Variants in CFAP299 observed in about 807,000 individuals in gnomAD.
CFAP299 encodes cilia- and flagella-associated protein 299.
A neutral mutation model predicts 27.0 loss-of-function variants in CFAP299; 21 were observed. The ratio of observed to expected loss-of-function variants is 0.78; its 90% CI spans 0.55 to 1.12. The LOEUF is 1.12. Among genes scored for constraint, CFAP299 ranks in the 50% most tolerant of loss-of-function variants. The pLI, the probability that CFAP299 is intolerant of heterozygous loss-of-function variation, is 0.00. For synonymous variants in CFAP299, 104 were observed against 98.1 expected, an observed-to-expected ratio of 1.06 and a Z score of -0.36; for missense variants, 310 against 276.6, an observed-to-expected ratio of 1.12 and a Z score of -0.86.
At chr4:80,526,356 T>A (rs1733174525) in intron 2 of CFAP299, among the ~76,000 whole-genome samples, 1 of 152,142 alleles carries the variant, frequency 6.6e-6, no homozygotes, top group Non-Finnish European at 1.5e-5. Context: ...ATTCTCTTCC[T>A]CAGGACCTCA....
At chr4:80,797,014 A>T (rs1298677681) in intron 3 of CFAP299, among the ~76,000 whole-genome samples, 1 of 152,114 alleles carries the variant, frequency 6.6e-6, no homozygotes, top group East Asian at 1.9e-4. Context: ...ACCTGAGCTA[A>T]AACTCCATTA....
At chr4:80,731,388 A>G (rs1723513057) in intron 3 of CFAP299, among the ~76,000 whole-genome samples, 2 of 152,172 alleles carry the variant, frequency 1.3e-5, no homozygotes, top group Non-Finnish European at 2.9e-5. Context: ...ACCTCCACTG[A>G]TAATAAAAAT....
intron 4 of CFAP299, among the ~76,000 whole-genome samples, chr4:80,877,751 G>T (rs1733484810): frequency 6.6e-6 from 1 of 151,974 alleles, no homozygotes; most frequent in African/African-American, 2.4e-5. Context: ...AAATTTTTGT[G>T]CAACTTTTTC....
At chr4:80,482,053 A>G (rs1400285512) in intron 2 of CFAP299, among the ~76,000 whole-genome samples, 3 of 152,040 alleles carry the variant, frequency 2.0e-5, no homozygotes, top group Non-Finnish European at 4.4e-5. Flanking sequence ...CTGGATAGTA[A>G]TAAAAAAAGT....
At chr4:80,936,825 GA>G (rs1318209531) in intron 4 of CFAP299, among the ~76,000 whole-genome samples, 1 of 151,968 alleles carries the variant, frequency 6.6e-6, no homozygotes, top group Non-Finnish European at 1.5e-5. Context: ...ATGATAAGAT[GA>G]AAAAAATAAA....
intron 2 of CFAP299, among the ~76,000 whole-genome samples, chr4:80,524,827 C>A (rs762993673): frequency 6.6e-6 from 1 of 152,156 alleles, no homozygotes; most frequent in Non-Finnish European, 1.5e-5. Context: ...TTTCTGTTGT[C>A]AGGATTCTGG....
intron 4 of CFAP299, chr4:80,870,985 C>T: frequency 1.0e-5 from 7 of 668,584 alleles, no homozygotes; most frequent in Non-Finnish European, 1.3e-5. Flanking sequence ...TGGATCACTG[C>T]TACTTCCACC....
At chr4:80,735,576 C>T (rs1388728848) in intron 3 of CFAP299, among the ~76,000 whole-genome samples, 1 of 152,076 alleles carries the variant, frequency 6.6e-6, no homozygotes, top group East Asian at 1.9e-4. Context: ...GTGGGTCTAT[C>T]ATATATGGCT....
intron 3 of CFAP299, among the ~76,000 whole-genome samples, chr4:80,689,156 G>C (rs868798604): frequency 6.6e-6 from 1 of 152,066 alleles, no homozygotes; most frequent in Non-Finnish European, 1.5e-5. Flanking sequence ...AATCTAGCAA[G>C]GCAGGCCAAC....
At chr4:80,691,633 C>T (rs1302563147) in intron 3 of CFAP299, among the ~76,000 whole-genome samples, 89 of 149,990 alleles carry the variant, frequency 5.9e-4, no homozygotes, top group Middle Eastern at 6.8e-3. Context: ...AAAACTGGCA[C>T]AAGACAGGGA....
At chr4:80,321,478 G>A in the CFAP299 span, among the ~76,000 whole-genome samples, 1 of 152,246 alleles carries the variant, frequency 6.6e-6, no homozygotes, top group African/African-American at 2.4e-5. Flanking sequence ...GTGCTCTTTG[G>A]CTTCTCTCCT....
intron 3 of CFAP299, among the ~76,000 whole-genome samples, chr4:80,862,740 A>C (rs1472958574): frequency 6.6e-6 from 1 of 152,170 alleles, no homozygotes; most frequent in Non-Finnish European, 1.5e-5. Flanking sequence ...CCAACAGGAA[A>C]GACAAAGAAC....
chr4:80,390,671 A>G (rs982239967), intron 2 of CFAP299, among the ~76,000 whole-genome samples: 1 of 146,602 alleles, frequency 6.8e-6, no homozygotes, highest in African/African-American at 2.5e-5. Flanking sequence ...GTATATATGT[A>G]TACATGTATA....
chr4:80,588,295 G>T lies in CFAP299; in HGVS notation c.333+5112G>T, dbSNP rs116001964. Among the ~76,000 whole-genome samples, 5 of 150,842 alleles carry T rather than the reference G, an allele frequency of 3.3e-5. No individual in the cohort carries two copies. In the East Asian group the frequency reaches 9.7e-4, roughly 29 times the overall value. ...TTTAACACCTGCAGGTCTGGAGCTG[G>T]GTACATCTGCCTGGGAAATGAGATC... On this transcript the variant is annotated intron_variant, in intron 3 of 5. Transcript: ENST00000358105.
chr4:80,588,599 G>C (rs576592324), intron 3 of CFAP299, among the ~76,000 whole-genome samples: 2 of 150,622 alleles, frequency 1.3e-5, no homozygotes, highest in Non-Finnish European at 2.9e-5. Flanking sequence ...ATATGATTTG[G>C]TGTCCAAAAA....
chr4:80,447,381 C>T (rs1728691808), intron 2 of CFAP299, among the ~76,000 whole-genome samples: 1 of 150,698 alleles, frequency 6.6e-6, no homozygotes, highest in Non-Finnish European at 1.5e-5. Flanking sequence ...GTGATCCGCC[C>T]GCCTCGGCCT....
At chr4:80,830,194 T>C (rs991111206) in intron 3 of CFAP299, among the ~76,000 whole-genome samples, 21 of 152,200 alleles carry the variant, frequency 1.4e-4, no homozygotes, top group Middle Eastern at 3.4e-3. Context: ...AGTTATAGAA[T>C]GCCCAGTTGT....
chr4:80,397,262 C>A (rs911085414), intron 2 of CFAP299, among the ~76,000 whole-genome samples: 1 of 151,870 alleles, frequency 6.6e-6, no homozygotes, highest in Non-Finnish European at 1.5e-5. Context: ...GTATTTGATT[C>A]TTCTCTCTTT....
At chr4:80,829,441 TG>T (rs757385313) in intron 3 of CFAP299, among the ~76,000 whole-genome samples, 46 of 152,128 alleles carry the variant, frequency 3.0e-4, no homozygotes, top group Admixed American at 7.2e-4. Flanking sequence ...TTGGTGAGGA[TG>T]TGGAGAAATT....
Sources: allele counts gnomAD v4.1 joint callset (sites outside exome capture counted in the v4.1 genomes callset), GRCh38; gene constraint gnomAD v4.1.1; transcripts MANE v1.5; gene names NCBI Gene and HGNC (gene_info 2026-07-23, HGNC 2026-07-21).